EXOC4: variants seen among roughly 807,000 people sequenced by gnomAD.
The protein encoded by EXOC4 is exocyst complex component 4, also known as SEC8-like 1.
In EXOC4, 71 loss-of-function variants were observed where a neutral mutation model predicts 107.2. The ratio of observed to expected loss-of-function variants is 0.66; its 90% CI spans 0.55 to 0.81. The LOEUF (loss-of-function observed/expected upper bound fraction) is 0.81, where lower values mean the gene tolerates loss of function less well. Among genes scored for constraint, EXOC4 ranks in the 30% least tolerant of loss-of-function variants. The probability of loss-of-function intolerance (pLI) is 0.00; values close to 1 mark genes in which losing one functional copy is unlikely to be tolerated. For synonymous variants in EXOC4, 456 were observed against 441.2 expected (o/e 1.03, Z -0.42); for missense variants, 1,108 against 1,189.6 (o/e 0.93, Z 1.01).
At chr7:133,646,089 C>T (rs1359543190) in intron 10 of EXOC4, among the ~76,000 whole-genome samples, 1 of 152,126 alleles carries the variant, frequency 6.6e-6, no homozygotes, top group Non-Finnish European at 1.5e-5. Flanking sequence ...CTATGTGAGA[C>T]ATTTGTTTAA....
At chr7:133,971,401 G>GAA (rs1554429119) in intron 14 of EXOC4, among the ~76,000 whole-genome samples, 3,982 of 110,484 alleles carry the variant, frequency 0.036, 144 homozygotes, top group African/African-American at 0.051. Flanking sequence ...GAGAGAGAGA[G>GAA]AAAGAGAGAG....
At chr7:133,992,744 T>A (rs1794293589) in intron 14 of EXOC4, among the ~76,000 whole-genome samples, 2 of 148,336 alleles carry the variant, frequency 1.3e-5, no homozygotes. Context: ...ATGCCGTTTC[T>A]TTCTTTATCT....
intron 10 of EXOC4, among the ~76,000 whole-genome samples, chr7:133,790,128 C>G (rs1796673248): frequency 6.6e-6 from 1 of 152,200 alleles, no homozygotes; most frequent in African/African-American, 2.4e-5. Context: ...ATAAGTCAGC[C>G]TCCTTCACAG....
chr7:133,335,578 A>G (rs1232782915), intron 5 of EXOC4, among the ~76,000 whole-genome samples: 2 of 152,164 alleles, frequency 1.3e-5, no homozygotes, highest in Admixed American at 6.5e-5. Context: ...TATATATACT[A>G]TATTTTGTTT....
intron 17 of EXOC4, among the ~76,000 whole-genome samples, chr7:134,037,260 C>G (rs961696738): frequency 2.0e-5 from 3 of 152,126 alleles, no homozygotes; most frequent in Admixed American, 2.0e-4. Flanking sequence ...CCACGTTGCC[C>G]AGATCCGGAT....
chr7:133,832,237 T>A (rs1311035482), intron 11 of EXOC4, among the ~76,000 whole-genome samples: 1 of 152,252 alleles, frequency 6.6e-6, no homozygotes, highest in Non-Finnish European at 1.5e-5. Context: ...GACATTGTTT[T>A]ACACATTTGT....
intron 11 of EXOC4, among the ~76,000 whole-genome samples, chr7:133,834,613 T>C (rs1797879205): frequency 6.6e-6 from 1 of 152,212 alleles, no homozygotes; most frequent in South Asian, 2.1e-4. Context: ...TTGAGCGTTA[T>C]TCCTAACAAG....
At chr7:133,258,952 G>A (rs1011384123) in intron 1 of EXOC4, among the ~76,000 whole-genome samples, 13 of 151,990 alleles carry the variant, frequency 8.6e-5, no homozygotes, top group Non-Finnish European at 1.2e-4. Flanking sequence ...AGCAAATCAA[G>A]GGCCCAATAC....
At chr7:133,709,654 T>C (rs986114444) in intron 10 of EXOC4, among the ~76,000 whole-genome samples, 30 of 146,732 alleles carry the variant, frequency 2.0e-4, no homozygotes, top group Admixed American at 6.0e-4. Flanking sequence ...TCTTTTTTTT[T>C]TTTTTTTTTT....
At chr7:133,562,384 G>T (rs1800821875) in intron 9 of EXOC4, among the ~76,000 whole-genome samples, 1 of 152,136 alleles carries the variant, frequency 6.6e-6, no homozygotes. Context: ...CCTGGTTTCT[G>T]CAATGCTAGG....
Position 133,943,789 on chromosome 7 carries a change from A to G in EXOC4, c.2206+5720A>G, listed in dbSNP as rs148313210. 2.2e-3 allele frequency among the ~76,000 whole-genome samples: 328 copies of G among 152,286 alleles called. 1 individual carries two copies. The highest frequency in any genetic ancestry group is 7.4e-3 in the African/African-American group (308 of 41,576). On this transcript the variant is annotated intron_variant, in intron 14 of 17. Transcript: ENST00000253861. ...ATTTAGTGATTTTTAGAAATGTTCA[A>G]GTCAGCCAATATAAAATAACCATGG...
At chr7:133,696,844 A>C (rs1230374726) in intron 10 of EXOC4, among the ~76,000 whole-genome samples, 1 of 152,164 alleles carries the variant, frequency 6.6e-6, no homozygotes, top group African/African-American at 2.4e-5. Context: ...CTTATTTGTC[A>C]CTATATCTCT....
chr7:133,312,930 A>G (rs1464231752), intron 4 of EXOC4, among the ~76,000 whole-genome samples: 3 of 152,108 alleles, frequency 2.0e-5, no homozygotes, highest in Non-Finnish European at 4.4e-5. Context: ...TATTTATTGC[A>G]TGATCCTGGA....
At chr7:133,415,014 A>G (rs1179696898) in intron 7 of EXOC4, among the ~76,000 whole-genome samples, 3 of 152,176 alleles carry the variant, frequency 2.0e-5, no homozygotes, top group Non-Finnish European at 4.4e-5. Context: ...CTGACATTTC[A>G]TATAAATGAA....
At chr7:133,829,458 A>G (rs867681634) in intron 11 of EXOC4, among the ~76,000 whole-genome samples, 6 of 152,274 alleles carry the variant, frequency 3.9e-5, no homozygotes, top group South Asian at 2.1e-4. Context: ...GGAGACAGAA[A>G]GTTTTATGTG....
In EXOC4 at chr7:133,313,758, A is replaced by G. The variant is rs573495650; in HGVS notation, c.657-3526A>G. Among the ~76,000 whole-genome samples the G allele has an allele frequency of 1.6e-4, 24 of 152,334 alleles. 1 individual carries two copies. In the South Asian group the frequency reaches 1.7e-3, roughly 11 times the overall value. ...ACTAGTTGGATGTTGGTTAATGGCC[A>G]GGAAGTCCTTGAGGTTACAGTGGCA... is the stretch of plus-strand genomic sequence containing the variant. On this transcript the variant is annotated intron_variant, in intron 4 of 17. Transcript: ENST00000253861.
At chr7:133,724,392 CG>C (rs1425700036) in intron 10 of EXOC4, among the ~76,000 whole-genome samples, 1 of 152,168 alleles carries the variant, frequency 6.6e-6, no homozygotes, top group African/African-American at 2.4e-5. Flanking sequence ...TTAATTCTTC[CG>C]GAAACTCGTT....
At chr7:133,710,639 G>T (rs543464316) in intron 10 of EXOC4, among the ~76,000 whole-genome samples, 1 of 139,302 alleles carries the variant, frequency 7.2e-6, no homozygotes, top group Admixed American at 7.4e-5. Context: ...CAGCCTGGGC[G>T]ACAGAGTGAG....
chr7:133,855,410 C>T (rs1192131421), intron 11 of EXOC4, among the ~76,000 whole-genome samples: 1 of 151,774 alleles, frequency 6.6e-6, no homozygotes, highest in African/African-American at 2.4e-5. Flanking sequence ...TGTACACACG[C>T]CCATGTCTGT....
Sources: gnomAD v4.1 joint callset for allele counts (sites outside exome capture counted in the v4.1 genomes callset) on GRCh38, gnomAD v4.1.1 for gene constraint, MANE v1.5 for transcripts, NCBI Gene and HGNC (gene_info 2026-07-23, HGNC 2026-07-21) for gene names.